EHMT1: variants seen among roughly 807,000 people sequenced by gnomAD.
EHMT1 encodes histone-lysine N-methyltransferase EHMT1.
In EHMT1, 15 loss-of-function variants were observed where a neutral mutation model predicts 147.2. The observed-to-expected ratio is 0.10, with a 90% confidence interval of 0.07 to 0.16. The LOEUF is 0.16. EHMT1 is among the 10% of genes least tolerant of loss of function. The pLI is 1.00. For missense variants in EHMT1, 1,587 were observed against 1,772.4 expected, an observed-to-expected ratio of 0.90 and a Z score of 1.88; for synonymous variants, 795 against 709.6, an observed-to-expected ratio of 1.12 and a Z score of -1.91.
At chr9:137,640,210 C>T (rs941376691) in intron 1 of EHMT1, among the ~76,000 whole-genome samples, 6 of 152,172 alleles carry the variant, frequency 3.9e-5, no homozygotes, top group East Asian at 1.9e-4. Flanking sequence ...GCTGGGATTA[C>T]GGGTGTGAGC....
chr9:137,834,342 C>T lies in EHMT1; in HGVS notation c.3541-7C>T, dbSNP rs759218661. ...ACTGCAGCCCGTGCCGGCTTCTCGC[C>T]CTGCAGGACGGGGAGGTTTACTGCA... On this transcript the variant is annotated splice_polypyrimidine_tract_variant and splice_region_variant and intron_variant, in intron 25 of 26. Coordinates refer to ENST00000460843, the MANE Select transcript of EHMT1 (RefSeq NM_024757.5). 4.3e-6 allele frequency: 7 copies of T among 1,611,088 alleles called. No individual in the cohort carries two copies. The highest frequency in any genetic ancestry group is 1.3e-5 in the African/African-American group (1 of 74,460).
intron 6 of EHMT1, among the ~76,000 whole-genome samples, chr9:137,750,751 G>C (rs1025174468): frequency 1.3e-5 from 2 of 152,230 alleles, no homozygotes; most frequent in Non-Finnish European, 2.9e-5. Flanking sequence ...AGCTCAGGAC[G>C]TGGCTGCCGG....
intron 10 of EHMT1, among the ~76,000 whole-genome samples, chr9:137,766,484 G>C (rs989441033): frequency 2.7e-4 from 41 of 152,198 alleles, no homozygotes; most frequent in African/African-American, 9.4e-4. Flanking sequence ...TTGTGGTGGC[G>C]CCTGCCTGTA....
intron 10 of EHMT1, among the ~76,000 whole-genome samples, chr9:137,765,802 C>T (rs1950181901): frequency 6.6e-6 from 1 of 152,110 alleles, no homozygotes; most frequent in Non-Finnish European, 1.5e-5. Flanking sequence ...TCCCCTGTGG[C>T]ACTGCTGCCC....
chr9:137,695,338 G>A (rs996778880), intron 1 of EHMT1, among the ~76,000 whole-genome samples: 3 of 152,138 alleles, frequency 2.0e-5, no homozygotes, highest in Admixed American at 1.3e-4. Context: ...TCTGTGTGTC[G>A]GGCCTGTGCT....
intron 3 of EHMT1, among the ~76,000 whole-genome samples, chr9:137,722,825 T>G (rs1588375383): frequency 6.6e-6 from 1 of 152,130 alleles, no homozygotes; most frequent in Non-Finnish European, 1.5e-5. Context: ...TATGGGAAGG[T>G]GGGTGCCCCC....
Position 137,813,326 on chromosome 9 carries a change from G to C in EHMT1, c.3036-60G>C. ...TTTGCCAGCCGCCCCACTGCACGCT[G>C]TGCCACCCCCTGGGCAGAGCACGTC... On this transcript the variant is annotated intron_variant, in intron 20 of 26. Transcript: ENST00000460843. The surrounding 1 kb of genome is among the most constrained non-coding windows in gnomAD (Gnocchi z 4.9). 2 of 1,579,670 alleles carry C rather than the reference G, an allele frequency of 1.3e-6. No individual in the cohort carries two copies. The highest frequency in any genetic ancestry group is 1.7e-6 in the Non-Finnish European group (2 of 1,167,518).
intron 16 of EHMT1, among the ~76,000 whole-genome samples, chr9:137,796,279 CAAAGTT>C (rs1381260091): frequency 2.0e-5 from 3 of 152,138 alleles, no homozygotes; most frequent in Non-Finnish European, 2.9e-5. Flanking sequence ...AAATGATTGA[CAAAGTT>C]AAGTGCATTA....
chr9:137,823,750 G>A (rs1293618419), intron 25 of EHMT1, among the ~76,000 whole-genome samples: 3 of 152,142 alleles, frequency 2.0e-5, no homozygotes, highest in Non-Finnish European at 4.4e-5. Flanking sequence ...TAGAGACGAG[G>A]TTTCGCCATG....
chr9:137,725,313 G>A lies in EHMT1; in HGVS notation c.643-3036G>A, dbSNP rs575842837. On this transcript the variant is annotated intron_variant, in intron 3 of 26. Coordinates refer to ENST00000460843, the MANE Select transcript of EHMT1 (RefSeq NM_024757.5). ...GTGGCCTTCGTGTGGCAGACATGTG[G>A]CCTTCGTGGGGCTTTCAGTGTTCCG... 4.6e-5 allele frequency among the ~76,000 whole-genome samples: 7 copies of A among 152,290 alleles called. No homozygotes were observed. The East Asian group carries it at 1.3e-3, about 29-fold the overall frequency.
In EHMT1 at chr9:137,835,032, C is replaced by T; in HGVS notation, c.*79C>T. 7.5e-7 allele frequency: 1 copy of T among 1,333,122 alleles called. No individual in the cohort carries two copies. The allele number at this position is 1,333,122 out of a possible 1,614,324, so 82.6% of individuals were successfully genotyped here. On this transcript the variant is annotated 3_prime_UTR_variant, in exon 27 of 27. Transcript: ENST00000460843. ...TAGAGGACGAGGAGGAGAGATTCCGCACGCAACCGAAAGGGTCCTTCGGGG... is the reference window on the plus strand; with the variant it reads ...TAGAGGACGAGGAGGAGAGATTCCGTACGCAACCGAAAGGGTCCTTCGGGG...
chr9:137,748,760 A>G (rs1252105638), intron 6 of EHMT1, among the ~76,000 whole-genome samples: 2 of 152,202 alleles, frequency 1.3e-5, no homozygotes, highest in African/African-American at 4.8e-5. Flanking sequence ...TGAAGTGCCT[A>G]TTCACATCCC....
chr9:137,802,863 G>A lies in EHMT1; in HGVS notation c.2712+1879G>A, dbSNP rs923476676. On this transcript the variant is annotated intron_variant, in intron 18 of 26. Coordinates refer to ENST00000460843, the MANE Select transcript of EHMT1 (RefSeq NM_024757.5). ...CTTTCCCACTGCGGGTTAGGATGAC[G>A]GCACCATGAAGAGAGGAGCCCTGAG... 9 of 1,231,978 alleles carry A rather than the reference G, an allele frequency of 7.3e-6. No individual in the cohort carries two copies. Among genetic ancestry groups the A allele is most frequent in the African/African-American group, 4.7e-5 (3 of 64,402 alleles). 76.3% of individuals were successfully genotyped at this position (1,231,978 alleles called of 1,614,324 possible).
Position 137,653,590 on chromosome 9 carries a change from G to A in EHMT1, c.21+34541G>A, listed in dbSNP as rs1236219288. Among the ~76,000 whole-genome samples the A allele has an allele frequency of 6.6e-5, 10 of 152,014 alleles. No homozygotes were observed. The East Asian group carries it at 1.9e-3, about 29-fold the overall frequency. On this transcript the variant is annotated intron_variant, in intron 1 of 26. Coordinates refer to ENST00000460843, the MANE Select transcript of EHMT1 (RefSeq NM_024757.5). ...GTCGCCCAGGCTGGAGTGCAGTGGTGTGATCTCAGCTCACTGCAACCTCTG... is the reference window on the plus strand; with the variant it reads ...GTCGCCCAGGCTGGAGTGCAGTGGTATGATCTCAGCTCACTGCAACCTCTG...
chr9:137,705,611 G>A (rs1259362447), intron 1 of EHMT1, among the ~76,000 whole-genome samples: 2 of 152,260 alleles, frequency 1.3e-5, no homozygotes, highest in Non-Finnish European at 2.9e-5. Flanking sequence ...GACTGGTCAT[G>A]TGTTTTGCCG....
chr9:137,637,018 C>G (rs1844131026), intron 1 of EHMT1, among the ~76,000 whole-genome samples: 6 of 151,618 alleles, frequency 4.0e-5, no homozygotes, highest in Admixed American at 3.3e-4. Flanking sequence ...CCGCCTCAGC[C>G]TCCTGAGTGG....
chr9:137,670,972 A>G (rs1187666903), intron 1 of EHMT1, among the ~76,000 whole-genome samples: 4 of 151,962 alleles, frequency 2.6e-5, no homozygotes, highest in Admixed American at 6.5e-5. Flanking sequence ...TGGCTTTGTC[A>G]TCGTCCACTG....
At chr9:137,772,527 T>C (rs1183905622) in intron 10 of EHMT1, among the ~76,000 whole-genome samples, 1 of 152,222 alleles carries the variant, frequency 6.6e-6, no homozygotes, top group Non-Finnish European at 1.5e-5. Context: ...GCTCTGTATT[T>C]ACACCAGCTC....
chr9:137,659,691 C>T (rs1310470861), intron 1 of EHMT1, among the ~76,000 whole-genome samples: 3 of 151,734 alleles, frequency 2.0e-5, no homozygotes, highest in Admixed American at 6.6e-5. Context: ...TAGCTGGGAC[C>T]ACCTACTACT....
Sources: allele counts gnomAD v4.1 joint callset (sites outside exome capture counted in the v4.1 genomes callset), GRCh38; gene constraint gnomAD v4.1.1; non-coding constraint Gnocchi (gnomAD v3.1); transcripts MANE v1.5; gene names NCBI Gene and HGNC (gene_info 2026-07-23, HGNC 2026-07-21).